Variants in CNTNAP5 observed in about 807,000 individuals in gnomAD.
CNTNAP5 encodes the protein contactin-associated protein-like 5.
Under a neutral mutation model 150.2 loss-of-function variants are expected in CNTNAP5, and 72 were observed. The observed-to-expected ratio is 0.48, with a 90% CI of 0.40 to 0.58. CNTNAP5 has a LOEUF of 0.58. Ranked by LOEUF, CNTNAP5 falls within the 20% of genes least tolerant of loss-of-function variation. The probability of loss-of-function intolerance (pLI) is 0.00; values close to 1 mark genes in which losing one functional copy is unlikely to be tolerated. For synonymous variants in CNTNAP5, 672 were observed against 619.8 expected (o/e 1.08, Z -1.25); for missense variants, 1,636 against 1,626.2 (o/e 1.01, Z -0.10).
chr2:124,748,539 T>C (rs1680656115), intron 14 of CNTNAP5, among the ~76,000 whole-genome samples: 2 of 152,210 alleles, frequency 1.3e-5, no homozygotes, highest in African/African-American at 4.8e-5. Context: ...GCAATTTTGC[T>C]TACTTCATCA....
At chr2:124,117,429 T>C (rs80224312) in intron 1 of CNTNAP5, among the ~76,000 whole-genome samples, 2,156 of 152,308 alleles carry the variant, frequency 0.014, 26 homozygotes, top group Non-Finnish European at 0.023. Flanking sequence ...ATATAGCATA[T>C]GCTCCATACA....
chr2:124,100,959 G>C (rs990855130), intron 1 of CNTNAP5, among the ~76,000 whole-genome samples: 4 of 151,018 alleles, frequency 2.6e-5, no homozygotes, highest in Non-Finnish European at 5.9e-5. Flanking sequence ...CTTAATTCAT[G>C]ATTCCTGAAT....
intron 23 of CNTNAP5, 107 bp from the exon 24 acceptor site, chr2:124,913,985 G>C: frequency 1.4e-6 from 1 of 717,764 alleles, no homozygotes; most frequent in Non-Finnish European, 2.3e-6. Context: ...GATTTGTTTT[G>C]TTTTGCTTTC....
intron 8 of CNTNAP5, among the ~76,000 whole-genome samples, chr2:124,507,237 T>A (rs1694431677): frequency 6.6e-6 from 1 of 152,032 alleles, no homozygotes; most frequent in Non-Finnish European, 1.5e-5. Context: ...GGAGGGCAGA[T>A]CTCATGAGCC....
rs941856330 is a variant in CNTNAP5, at chr2:124,813,155, C to T, written c.3217+14835C>T. On this transcript the variant is annotated intron_variant, in intron 19 of 23. Transcript: ENST00000682447. ...GCAGTGGTGTGATCTCGGCTCACTG[C>T]AAGCTCCACCTCCTGGGTTCACGCC... Among the ~76,000 whole-genome samples, 106 of 151,954 alleles carry T rather than the reference C, an allele frequency of 7.0e-4. 1 individual carries two copies. Among genetic ancestry groups the T allele is most frequent in the African/African-American group, 2.4e-3 (99 of 41,440 alleles).
At chr2:124,628,377 C>A (rs532977953) in intron 12 of CNTNAP5, among the ~76,000 whole-genome samples, 2 of 152,162 alleles carry the variant, frequency 1.3e-5, no homozygotes, top group South Asian at 4.1e-4. Context: ...TCAGTAGAAA[C>A]TGTACAAACC....
rs1363149255 is a variant in CNTNAP5, at chr2:124,408,480, CTCTG to C, written c.382-8958_382-8955del. Among the ~76,000 whole-genome samples, 36 of 152,284 alleles carry C rather than the reference CTCTG, an allele frequency of 2.4e-4. No homozygotes were observed. In the East Asian group the frequency reaches 6.8e-3, roughly 29 times the overall value. On this transcript the variant is annotated intron_variant, in intron 3 of 23. Transcript: ENST00000682447. ...CAGTAACCTCTGCAGACTTAAATGT[CTCTG>C]TCTGACAGCTTTGAAGAGAGCAGTG...
At chr2:124,292,764 C>A (rs902071583) in intron 3 of CNTNAP5, among the ~76,000 whole-genome samples, 4 of 152,032 alleles carry the variant, frequency 2.6e-5, no homozygotes, top group Non-Finnish European at 5.9e-5. Context: ...AGAATATCCT[C>A]CACTTATCAA....
chr2:124,034,042 C>T (rs1056181909), intron 1 of CNTNAP5, among the ~76,000 whole-genome samples: 1 of 152,134 alleles, frequency 6.6e-6, no homozygotes, highest in Non-Finnish European at 1.5e-5. Context: ...TGCTGCTTTC[C>T]TATTTTTGCC....
At chr2:124,695,771 C>A (rs1350773007) in intron 13 of CNTNAP5, among the ~76,000 whole-genome samples, 1 of 152,148 alleles carries the variant, frequency 6.6e-6, no homozygotes, top group African/African-American at 2.4e-5. Flanking sequence ...CCCCATTGCC[C>A]AGGCTGTCCT....
At chr2:124,329,580 C>G (rs1186561325) in intron 3 of CNTNAP5, among the ~76,000 whole-genome samples, 1 of 152,010 alleles carries the variant, frequency 6.6e-6, no homozygotes, top group Non-Finnish European at 1.5e-5. Flanking sequence ...TTTCCCTGCT[C>G]AAATATTTCT....
In CNTNAP5 at chr2:124,221,727, A is replaced by AT; in HGVS notation, c.106dup (p.Ser36PhefsTer66). 6.2e-7 allele frequency: 1 copy of AT among 1,611,168 alleles called. No homozygotes were observed. The highest frequency in any genetic ancestry group is 8.5e-7 in the Non-Finnish European group (1 of 1,178,302). On this transcript the variant is annotated frameshift_variant, in exon 2 of 24. Coordinates refer to ENST00000682447, the MANE Select transcript of CNTNAP5 (RefSeq NM_001367498.1). LOFTEE classifies it high-confidence loss of function. ...TAGACAACTGTGATGATCCACTAGC[A>AT]TCCCTGCTCTCTCCAATGGCTTTTT...
intron 7 of CNTNAP5, among the ~76,000 whole-genome samples, chr2:124,484,793 A>G (rs1693834931): frequency 6.6e-6 from 1 of 152,216 alleles, no homozygotes; most frequent in Admixed American, 6.5e-5. Context: ...AAAACTATGA[A>G]CACATTTTAC....
At position 124,392,845 on chromosome 2, in the gene CNTNAP5, A is replaced by G. The variant is rs114285210; in HGVS notation, c.382-24598A>G. ...CTTTGGCTATATGGTTCTCAGGTTA[A>G]TTAAGGAATTATAAAGAAGCACCTT... On this transcript the variant is annotated intron_variant, in intron 3 of 23. Coordinates refer to ENST00000682447, the MANE Select transcript of CNTNAP5 (RefSeq NM_001367498.1). Among the ~76,000 whole-genome samples, 357 of 152,252 alleles carry G rather than the reference A, an allele frequency of 2.3e-3. 1 individual carries two copies. The highest frequency in any genetic ancestry group is 8.3e-3 in the African/African-American group (345 of 41,566).
intron 1 of CNTNAP5, among the ~76,000 whole-genome samples, chr2:124,032,303 G>A (rs1217370771): frequency 6.6e-6 from 1 of 152,058 alleles, no homozygotes; most frequent in African/African-American, 2.4e-5. Flanking sequence ...TTATTACTTG[G>A]TAGAAGGATA....
intron 7 of CNTNAP5, among the ~76,000 whole-genome samples, chr2:124,489,918 T>A (rs1693978002): frequency 1.3e-5 from 2 of 152,192 alleles, no homozygotes; most frequent in African/African-American, 4.8e-5. Context: ...CTTATAGGTC[T>A]GACTTAGTCA....
intron 11 of CNTNAP5, among the ~76,000 whole-genome samples, chr2:124,569,316 A>G (rs1190072063): frequency 6.6e-6 from 1 of 152,172 alleles, no homozygotes; most frequent in Admixed American, 6.5e-5. Context: ...ACACAGTGGC[A>G]TATTAAAATA....
intron 1 of CNTNAP5, among the ~76,000 whole-genome samples, chr2:124,078,671 T>C (rs572547865): frequency 6.6e-6 from 1 of 152,336 alleles, no homozygotes; most frequent in African/African-American, 2.4e-5. Flanking sequence ...TGTCACCTAA[T>C]CCTCAAAACC....
At chr2:124,302,618 G>T (rs1020213845) in intron 3 of CNTNAP5, among the ~76,000 whole-genome samples, 1 of 152,180 alleles carries the variant, frequency 6.6e-6, no homozygotes, top group Non-Finnish European at 1.5e-5. Flanking sequence ...ATCCCTTCAT[G>T]AGGGCACAGC....
Sources: gnomAD v4.1 joint callset for allele counts (sites outside exome capture counted in the v4.1 genomes callset) on GRCh38, gnomAD v4.1.1 for gene constraint, MANE v1.5 for transcripts, NCBI Gene and HGNC (gene_info 2026-07-23, HGNC 2026-07-21) for gene names.